The following EIF3H variants were observed in gnomAD, a reference collection of about 807,000 sequenced individuals.
EIF3H encodes eIF-3-gamma.
In EIF3H, 26 loss-of-function variants were observed where a neutral mutation model predicts 44.2. The ratio of observed to expected loss-of-function variants is 0.59; its 90% confidence interval spans 0.43 to 0.82. The LOEUF (loss-of-function observed/expected upper bound fraction) is 0.82. Ranked by LOEUF, EIF3H falls within the 40% of genes least tolerant of loss-of-function variation. The pLI is 0.00. For missense variants in EIF3H, 359 were observed against 432.8 expected (o/e 0.83, Z 1.51); for synonymous variants, 166 against 151.9 (o/e 1.09, Z -0.68).
intron 5 of EIF3H, among the ~76,000 whole-genome samples, chr8:116,653,488 A>C (rs746505231): frequency 6.6e-6 from 1 of 152,178 alleles, no homozygotes. Flanking sequence ...TAGGATGCTG[A>C]AACAGGGACT....
intron 5 of EIF3H, among the ~76,000 whole-genome samples, chr8:116,655,636 G>A (rs1045961368): frequency 4.6e-5 from 7 of 152,136 alleles, no homozygotes; most frequent in Non-Finnish European, 8.8e-5. Flanking sequence ...TCTAATATGA[G>A]CAATTAGTAT....
chr8:116,684,642 GAA>G (rs1451763396), intron 2 of EIF3H, among the ~76,000 whole-genome samples: 1 of 151,986 alleles, frequency 6.6e-6, no homozygotes. Context: ...GGAATATCAT[GAA>G]ATCTTTTCCA....
At chr8:116,691,963 TCCTCC>T (rs1814183884) in intron 2 of EIF3H, among the ~76,000 whole-genome samples, 4 of 152,202 alleles carry the variant, frequency 2.6e-5, no homozygotes, top group Non-Finnish European at 5.9e-5. Context: ...TTTATGTTAT[TCCTCC>T]TGGAACAGAA....
chr8:116,643,047 CTTTT>C lies in EIF3H; in HGVS notation c.*1955_*1958del, dbSNP rs1813247549. On this transcript the variant is annotated 3_prime_UTR_variant, in exon 8 of 8. Coordinates refer to ENST00000521861, the MANE Select transcript of EIF3H (RefSeq NM_003756.3). ...GTTATGTTCCAACTGATTTTCCTTG[CTTTT>C]ATTTTGCTCGCTTGCTACTTTAAGG... is the stretch of plus-strand genomic sequence containing the variant. The C allele has an allele frequency of 6.6e-6, 1 of 152,172 alleles. No individual in the cohort carries two copies. Among genetic ancestry groups the C allele is most frequent in the African/African-American group, 2.4e-5 (1 of 41,434 alleles). The allele number at this position is 152,172 out of a possible 1,614,324, so 9.4% of individuals were successfully genotyped here. A position where few individuals can be genotyped will look rare whatever the true frequency, so the allele number is the denominator to read the frequency against.
chr8:116,744,130 T>C (rs1400201966), intron 1 of EIF3H, among the ~76,000 whole-genome samples: 1 of 151,158 alleles, frequency 6.6e-6, no homozygotes, highest in Admixed American at 6.6e-5. Flanking sequence ...GAAGCCTTCA[T>C]GACTTGGGTA....
chr8:116,698,891 T>C (rs537401510), intron 2 of EIF3H, among the ~76,000 whole-genome samples: 1 of 152,308 alleles, frequency 6.6e-6, no homozygotes, highest in Admixed American at 6.5e-5. Context: ...CTGACATCTG[T>C]AGTCCCAGCA....
intron 2 of EIF3H, among the ~76,000 whole-genome samples, chr8:116,705,491 A>AC (rs1227970298): frequency 0.049 from 6,155 of 125,644 alleles, 191 homozygotes; most frequent in East Asian, 0.089. Flanking sequence ...AACATGTTAC[A>AC]CCCCCCCCCA....
At chr8:116,754,621 C>T (rs1815410387) in intron 1 of EIF3H, among the ~76,000 whole-genome samples, 1 of 151,556 alleles carries the variant, frequency 6.6e-6, no homozygotes, top group Non-Finnish European at 1.5e-5. Context: ...CTTCTCATTC[C>T]CACTTGACAG....
chr8:116,645,405 G>T (rs991906673), intron 7 of EIF3H, among the ~76,000 whole-genome samples: 2 of 152,184 alleles, frequency 1.3e-5, no homozygotes, highest in South Asian at 2.1e-4. Context: ...GTACAACTGA[G>T]AAAACAGCGC....
chr8:116,763,770 A>C (rs1417775991), intron 1 of EIF3H, among the ~76,000 whole-genome samples: 1 of 152,226 alleles, frequency 6.6e-6, no homozygotes, highest in African/African-American at 2.4e-5. Flanking sequence ...AGGAAGAATA[A>C]TACCACAATA....
intron 2 of EIF3H, among the ~76,000 whole-genome samples, chr8:116,674,325 G>A (rs1311863781): frequency 7.0e-6 from 1 of 143,552 alleles, no homozygotes; most frequent in African/African-American, 2.5e-5. Context: ...TGGAGGTGGG[G>A]GGGGGTGGGG....
At chr8:116,658,591 C>A (rs200947032) in intron 3 of EIF3H, 2 of 433,032 alleles carry the variant, frequency 4.6e-6, no homozygotes, top group Non-Finnish European at 8.1e-6. Flanking sequence ...AGCAGCTACT[C>A]CAGCATTCCA....
intron 1 of EIF3H, among the ~76,000 whole-genome samples, chr8:116,731,301 T>G (rs1814946604): frequency 6.6e-6 from 1 of 152,220 alleles, no homozygotes; most frequent in East Asian, 1.9e-4. Flanking sequence ...TACTAATGCG[T>G]GAGCACACTC....
chr8:116,666,965 A>G (rs10808484), intron 2 of EIF3H, among the ~76,000 whole-genome samples: 120,707 of 152,136 alleles, frequency 0.79, 48,156 homozygotes, highest in Non-Finnish European at 0.85. Flanking sequence ...GTGTGTGCAT[A>G]CACCTGTGTG....
intron 2 of EIF3H, among the ~76,000 whole-genome samples, chr8:116,697,892 C>T (rs1293463553): frequency 6.6e-6 from 1 of 152,198 alleles, no homozygotes; most frequent in Non-Finnish European, 1.5e-5. Context: ...TACTTCCAGA[C>T]ACACAATGAA....
At chr8:116,725,927 A>G (rs1366003520) in intron 2 of EIF3H, 89 bp downstream of exon 2, 4 of 1,429,084 alleles carry the variant, frequency 2.8e-6, no homozygotes, top group Non-Finnish European at 2.8e-6. Flanking sequence ...CAGATTCCCA[A>G]TTCACACATT....
At chr8:116,668,476 T>C (rs1209561833) in intron 2 of EIF3H, among the ~76,000 whole-genome samples, 3 of 152,216 alleles carry the variant, frequency 2.0e-5, no homozygotes, top group African/African-American at 7.2e-5. Context: ...TACATATACA[T>C]ACATACATAG....
At chr8:116,752,677 A>AAAGAAAGAAAGG (rs1563662874) in intron 1 of EIF3H, among the ~76,000 whole-genome samples, 4 of 65,590 alleles carry the variant, frequency 6.1e-5, no homozygotes, top group Non-Finnish European at 1.4e-4. Context: ...AGAAAGAAAG[A>AAAGAAAGAAAGG]AAGAAAGAAA....
chr8:116,744,450 A>G (rs1413281867), intron 1 of EIF3H, among the ~76,000 whole-genome samples: 1 of 152,208 alleles, frequency 6.6e-6, no homozygotes, highest in Admixed American at 6.5e-5. Flanking sequence ...ATGCTTGAGC[A>G]TGGTACCAAC....
Sources: allele counts gnomAD v4.1 joint callset (sites outside exome capture counted in the v4.1 genomes callset), GRCh38; gene constraint gnomAD v4.1.1; transcripts MANE v1.5; gene names NCBI Gene and HGNC (gene_info 2026-07-23, HGNC 2026-07-21).